The following MSR1 variants were observed in gnomAD, a reference collection of about 807,000 sequenced individuals.
MSR1 encodes the protein macrophage scavenger receptor 1, also known as macrophage scavenger receptor types I and II.
Under a neutral mutation model 47.2 loss-of-function variants are expected in MSR1, and 53 were observed. That is an observed-to-expected ratio of 1.12 (90% CI 0.90 to 1.41). The LOEUF is 1.41. MSR1 is among the 40% of genes most tolerant of loss of function. MSR1 has a pLI of 0.00. For missense variants in MSR1, 786 were observed against 546.9 expected, an observed-to-expected ratio of 1.44 and a Z score of -4.36; for synonymous variants, 239 against 185.6, an observed-to-expected ratio of 1.29 and a Z score of -2.34.
chr8:16,129,940 G>A (rs1800217357), intron 8 of MSR1, among the ~76,000 whole-genome samples: 1 of 152,120 alleles, frequency 6.6e-6, no homozygotes, highest in Non-Finnish European at 1.5e-5. Flanking sequence ...TTTCTTCAAA[G>A]GGCAGGAAAG....
At chr8:16,158,960 G>C (rs563406911) in intron 5 of MSR1, among the ~76,000 whole-genome samples, 1 of 123,260 alleles carries the variant, frequency 8.1e-6, no homozygotes, top group South Asian at 2.6e-4. Flanking sequence ...TTCAGAGATA[G>C]GGTCTTGCTA....
intron 9 of MSR1, among the ~76,000 whole-genome samples, chr8:16,115,055 T>C (rs1799846624): frequency 6.6e-6 from 1 of 152,016 alleles, no homozygotes; most frequent in Non-Finnish European, 1.5e-5. Flanking sequence ...GGTGCATGCC[T>C]GTAATCCCAG....
chr8:16,109,255 C>T lies in MSR1; in HGVS notation c.*830G>A, dbSNP rs899590745. 1 of 146,364 alleles carries T rather than the reference C, an allele frequency of 6.8e-6. No homozygotes were observed. Among genetic ancestry groups the T allele is most frequent in the East Asian group, 2.1e-4 (1 of 4,740 alleles). The allele number at this position is 146,364 out of a possible 1,614,324, so 9.1% of individuals were successfully genotyped here. On this transcript the variant is annotated 3_prime_UTR_variant, in exon 10 of 10. Transcript: ENST00000262101. ...ACAGTTGAAACCACTCTTCCTTCTGCACTGAAGATGTTTGCATTGTTTGTT... is the reference window on the plus strand; with the variant it reads ...ACAGTTGAAACCACTCTTCCTTCTGTACTGAAGATGTTTGCATTGTTTGTT...
At chr8:16,129,084 A>C (rs1800195132) in intron 8 of MSR1, among the ~76,000 whole-genome samples, 1 of 152,184 alleles carries the variant, frequency 6.6e-6, no homozygotes, top group Non-Finnish European at 1.5e-5. Context: ...GCTGTAAATC[A>C]TATGAAGTTT....
At position 16,191,625 on chromosome 8, in the gene MSR1, G is replaced by A. The variant is rs531471930; in HGVS notation, c.-5+973C>T. Among the ~76,000 whole-genome samples, 10 of 152,072 alleles carry A rather than the reference G, an allele frequency of 6.6e-5. No homozygotes were observed. The South Asian group carries it at 1.5e-3, about 22-fold the overall frequency. ...CAGGTTAGGGAACTGAAATGTGTAAGTAACTAGTCAAGTTACTCAACTAGG... is the reference window on the plus strand; with the variant it reads ...CAGGTTAGGGAACTGAAATGTGTAAATAACTAGTCAAGTTACTCAACTAGG... On this transcript the variant is annotated intron_variant, in intron 1 of 9. Transcript: ENST00000262101.
At chr8:16,125,084 C>A (rs1478245328) in intron 8 of MSR1, among the ~76,000 whole-genome samples, 1 of 152,018 alleles carries the variant, frequency 6.6e-6, no homozygotes, top group Non-Finnish European at 1.5e-5. Flanking sequence ...CAAATACGAG[C>A]TTTTGGTGGG....
intron 1 of MSR1, among the ~76,000 whole-genome samples, chr8:16,189,419 TATATATAAAATC>T: frequency 9.6e-6 from 1 of 104,694 alleles, no homozygotes; most frequent in Admixed American, 1.3e-4. Context: ...ATATATTTTA[TATATATAAAATC>T]ATATTTTATA....
intron 3 of MSR1, among the ~76,000 whole-genome samples, chr8:16,171,796 C>G (rs1040710286): frequency 6.6e-6 from 1 of 152,124 alleles, no homozygotes; most frequent in African/African-American, 2.4e-5. Flanking sequence ...TAGAATAGAA[C>G]TGCCTGGGTT....
rs746464687 is a variant in MSR1 at position 16,120,529 on chromosome 8, A to T, written c.1111T>A (p.Trp371Arg). Residue 371 changes from tryptophan (W) to arginine (R), a missense_variant, in exon 9 of 10, where the codon TGG (tryptophan) becomes AGG (arginine). Transcript: ENST00000262101. ...CAGCGATCGTCACAAATTGTACCCCACTGGCCGCTGTGGAGTATCTCCACC... is the reference window on the plus strand; with the variant it reads ...CAGCGATCGTCACAAATTGTACCCCTCTGGCCGCTGTGGAGTATCTCCACC... ...GRVEILHSGQ[W>R]GTICDDRWEV... 1.2e-6 allele frequency: 2 copies of T among 1,603,898 alleles called. No individual in the cohort carries two copies. The highest frequency in any genetic ancestry group is 3.4e-5 in the Admixed American group (2 of 58,366).
At chr8:16,160,483 AAGG>A (rs1222622137) in intron 5 of MSR1, among the ~76,000 whole-genome samples, 3 of 152,028 alleles carry the variant, frequency 2.0e-5, no homozygotes, top group African/African-American at 7.2e-5. Context: ...AGAGGTAGAC[AAGG>A]AGGAGAAGAC....
chr8:16,120,526 C>A lies in MSR1; in HGVS notation c.1114G>T (p.Gly372Cys). 6.2e-7 allele frequency: 1 copy of A among 1,613,188 alleles called. No homozygotes were observed. Among genetic ancestry groups the A allele is most frequent in the Admixed American group, 1.7e-5 (1 of 59,890 alleles). Reference sequence around the variant, plus strand: ...TCCCAGCGATCGTCACAAATTGTACCCCACTGGCCGCTGTGGAGTATCTCC... The same window carrying A: ...TCCCAGCGATCGTCACAAATTGTACACCACTGGCCGCTGTGGAGTATCTCC... ...RVEILHSGQW[G>C]TICDDRWEVR... The change falls in exon 9 of 10, where the codon GGT (glycine) becomes TGT (cysteine). Residue 372 changes from glycine to cysteine, a missense_variant. Transcript: ENST00000262101.
In MSR1 at chr8:16,175,276, T is replaced by C; in HGVS notation, c.128A>G (p.Gln43Arg). ...AGCTTTGAAGGACTTCAGTTTCTCTTGAAGGGAAGGGCTGTTTTTAGGATC... is the reference window on the plus strand; with the variant it reads ...AGCTTTGAAGGACTTCAGTTTCTCTCGAAGGGAAGGGCTGTTTTTAGGATC... ...PPNPKNSPSL[Q>R]EKLKSFKAAL... The change falls in exon 3 of 10, where the codon CAA (glutamine) becomes CGA (arginine). Residue 43 changes from glutamine to arginine, a missense_variant. Transcript: ENST00000262101. The C allele has an allele frequency of 6.2e-7, 1 of 1,614,084 alleles. No homozygotes were observed. The highest frequency in any genetic ancestry group is 8.5e-7 in the Non-Finnish European group (1 of 1,179,966).
chr8:16,143,494 C>T, intron 8 of MSR1, 64 bp downstream of exon 8: 3 of 1,434,080 alleles, frequency 2.1e-6, no homozygotes, highest in Non-Finnish European at 2.9e-6. Context: ...AAGCCCAGAT[C>T]TCTAGTATCA....
chr8:16,143,629 AAT>A lies in MSR1; in HGVS notation c.980-20_980-19del, dbSNP rs759156731. 1 of 1,608,082 alleles carries A rather than the reference AAT, an allele frequency of 6.2e-7. No homozygotes were observed. The highest frequency in any genetic ancestry group is 1.3e-5 in the African/African-American group (1 of 74,920). On this transcript the variant is annotated intron_variant, in intron 7 of 9. Transcript: ENST00000262101. Reference sequence around the variant, plus strand: ...AGAATTTCCTTGAGAAAAGAAGAAAAATATTTGTTTTTAATCAGGGCAATTCA... The same window carrying A: ...AGAATTTCCTTGAGAAAAGAAGAAAAATTTGTTTTTAATCAGGGCAATTCA...
intron 1 of MSR1, among the ~76,000 whole-genome samples, chr8:16,179,090 G>A (rs1055239444): frequency 3.3e-5 from 5 of 152,188 alleles, no homozygotes; most frequent in African/African-American, 1.2e-4. Context: ...TATTTTTAGA[G>A]GTGTGTTTTT....
At chr8:16,126,638 A>T (rs2117075242) in intron 8 of MSR1, among the ~76,000 whole-genome samples, 1 of 152,294 alleles carries the variant, frequency 6.6e-6, no homozygotes, top group African/African-American at 2.4e-5. Context: ...TTTCTCTAGA[A>T]AATTTCTCTA....
intron 9 of MSR1, among the ~76,000 whole-genome samples, chr8:16,119,660 A>G (rs939434632): frequency 7.2e-5 from 11 of 152,040 alleles, no homozygotes; most frequent in African/African-American, 2.4e-4. Flanking sequence ...GCACTTGGTA[A>G]TATCTTCTAG....
At chr8:16,190,622 T>C (rs1008277833) in intron 1 of MSR1, among the ~76,000 whole-genome samples, 2 of 152,306 alleles carry the variant, frequency 1.3e-5, no homozygotes, top group South Asian at 4.1e-4. Flanking sequence ...TCTTTATGTT[T>C]AATACATATT....
chr8:16,176,879 T>C (rs916200687), intron 2 of MSR1, among the ~76,000 whole-genome samples: 1 of 152,138 alleles, frequency 6.6e-6, no homozygotes, highest in Non-Finnish European at 1.5e-5. Flanking sequence ...TGCCCTGGAG[T>C]TGAGGTCTGT....
Sources: allele counts gnomAD v4.1 joint callset (sites outside exome capture counted in the v4.1 genomes callset), GRCh38; gene constraint gnomAD v4.1.1; transcripts MANE v1.5; gene names NCBI Gene and HGNC (gene_info 2026-07-23, HGNC 2026-07-21).